SMG6: variants seen among roughly 807,000 people sequenced by gnomAD.
SMG6 encodes the protein SMG6 nonsense mediated mRNA decay factor, also known as telomerase-binding protein EST1A.
SMG6 carries 66 observed loss-of-function variants against 142.2 expected under a neutral mutation model. That is an observed-to-expected ratio of 0.46 (90% CI 0.38 to 0.57). The LOEUF (loss-of-function observed/expected upper bound fraction) is 0.57, where lower values mean the gene tolerates loss of function less well. Among genes scored for constraint, SMG6 ranks in the 20% least tolerant of loss-of-function variants. The pLI is 0.00. For missense variants in SMG6, 1,793 were observed against 1,832.0 expected (o/e 0.98, Z 0.39); for synonymous variants, 779 against 702.4 (o/e 1.11, Z -1.72).
chr17:2,298,175 G>C, intron 2 of SMG6, 120 bp from the exon 3 acceptor site: 1 of 817,794 alleles, frequency 1.2e-6, no homozygotes, highest in Non-Finnish European at 1.9e-6. Context: ...ATGTGACCAG[G>C]TAGGTATACT....
At chr17:2,066,894 C>T (rs908689613) in intron 16 of SMG6, among the ~76,000 whole-genome samples, 3 of 152,192 alleles carry the variant, frequency 2.0e-5, no homozygotes, top group Non-Finnish European at 4.4e-5. Context: ...CTGCACCAGG[C>T]GGGGCTTCTC....
chr17:2,154,170 C>T (rs57580446), intron 13 of SMG6, among the ~76,000 whole-genome samples: 2 of 126,002 alleles, frequency 1.6e-5, no homozygotes, highest in East Asian at 2.5e-4. Flanking sequence ...TGAGGATGCA[C>T]GTAGAGTGTG....
chr17:2,154,525 A>G (rs531975450), intron 13 of SMG6, among the ~76,000 whole-genome samples: 2 of 152,286 alleles, frequency 1.3e-5, no homozygotes, highest in African/African-American at 4.8e-5. Context: ...TAGAGATTAC[A>G]AAGGTATGAA....
intron 13 of SMG6, among the ~76,000 whole-genome samples, chr17:2,171,424 A>G (rs2071499874): frequency 6.6e-6 from 1 of 151,908 alleles, no homozygotes; most frequent in Admixed American, 6.6e-5. Flanking sequence ...GCAAAATAAC[A>G]GTGCTCTCAC....
At chr17:2,226,431 T>C (rs1210949024) in intron 10 of SMG6, among the ~76,000 whole-genome samples, 1 of 150,282 alleles carries the variant, frequency 6.7e-6, no homozygotes, top group Admixed American at 6.6e-5. Flanking sequence ...TACAAAAAAT[T>C]AGCCGGGTGT....
intron 9 of SMG6, among the ~76,000 whole-genome samples, chr17:2,237,953 T>C (rs2073708694): frequency 6.6e-6 from 1 of 152,168 alleles, no homozygotes; most frequent in South Asian, 2.1e-4. Flanking sequence ...CTTGTGGGGT[T>C]GGGGAAACAG....
At chr17:2,073,612 G>A (rs1171059178) in intron 15 of SMG6, among the ~76,000 whole-genome samples, 1 of 151,034 alleles carries the variant, frequency 6.6e-6, no homozygotes, top group Non-Finnish European at 1.5e-5. Flanking sequence ...GGGAGGCTGA[G>A]GCAGGAGAAT....
chr17:2,104,044 C>T (rs571025219), intron 13 of SMG6, among the ~76,000 whole-genome samples: 2 of 151,926 alleles, frequency 1.3e-5, no homozygotes, highest in East Asian at 3.9e-4. Context: ...CTCTGCTTCC[C>T]AGGTTCAAGT....
At chr17:2,290,864 A>G (rs947992026) in intron 6 of SMG6, among the ~76,000 whole-genome samples, 7 of 152,238 alleles carry the variant, frequency 4.6e-5, no homozygotes, top group Non-Finnish European at 8.8e-5. Flanking sequence ...GACGCTCAAC[A>G]TCGTGTGTCA....
chr17:2,160,655 C>A (rs1355414271), intron 13 of SMG6, among the ~76,000 whole-genome samples: 1 of 152,038 alleles, frequency 6.6e-6, no homozygotes, highest in Non-Finnish European at 1.5e-5. Flanking sequence ...CATAGTGGGA[C>A]CCCGTTTCCA....
intron 13 of SMG6, among the ~76,000 whole-genome samples, chr17:2,151,420 A>G (rs557699271): frequency 2.6e-5 from 4 of 152,320 alleles, no homozygotes; most frequent in Admixed American, 1.3e-4. Context: ...AAAGACATGC[A>G]AATAACTGAG....
intron 13 of SMG6, among the ~76,000 whole-genome samples, chr17:2,091,989 C>CTT (rs1168356792): frequency 3.5e-5 from 5 of 142,610 alleles, no homozygotes; most frequent in African/African-American, 7.7e-5. Flanking sequence ...GCCCCTTTTT[C>CTT]TTTTTTTTTT....
chr17:2,274,879 T>G (rs931312922), intron 8 of SMG6, among the ~76,000 whole-genome samples: 3 of 152,028 alleles, frequency 2.0e-5, no homozygotes, highest in African/African-American at 7.2e-5. Context: ...CCTAACACTT[T>G]GGAAGGCTGA....
At chr17:2,079,895 T>C (rs1273946174) in intron 15 of SMG6, among the ~76,000 whole-genome samples, 1 of 146,228 alleles carries the variant, frequency 6.8e-6, no homozygotes, top group Non-Finnish European at 1.5e-5. Flanking sequence ...GCCAACATGG[T>C]GAAACCCCAT....
At chr17:2,114,999 T>C (rs960398079) in intron 13 of SMG6, among the ~76,000 whole-genome samples, 2 of 135,432 alleles carry the variant, frequency 1.5e-5, no homozygotes, top group African/African-American at 2.8e-5. Context: ...TAAAATAAAA[T>C]AAAATAATTA....
intron 13 of SMG6, among the ~76,000 whole-genome samples, chr17:2,090,504 G>C (rs985334407): frequency 6.6e-6 from 1 of 152,212 alleles, no homozygotes; most frequent in Non-Finnish European, 1.5e-5. Context: ...CAGGACCCTG[G>C]ATGCAAGCTC....
intron 13 of SMG6, among the ~76,000 whole-genome samples, chr17:2,104,160 C>T (rs901455985): frequency 6.6e-6 from 1 of 152,000 alleles, no homozygotes; most frequent in Non-Finnish European, 1.5e-5. Context: ...ACCATGTTAG[C>T]CAGGATGGTC....
At chr17:2,221,237 G>A (rs545998713) in intron 10 of SMG6, among the ~76,000 whole-genome samples, 16 of 152,260 alleles carry the variant, frequency 1.1e-4, no homozygotes, top group East Asian at 1.9e-4. Context: ...CTGGTAGGAG[G>A]TGACTGCATC....
chr17:2,206,691 C>A (rs1340745659), intron 10 of SMG6, among the ~76,000 whole-genome samples: 1 of 151,982 alleles, frequency 6.6e-6, no homozygotes, highest in African/African-American at 2.4e-5. Context: ...GACCAGAGGC[C>A]AGCCTGACCA....
Sources: gnomAD v4.1 joint callset for allele counts (sites outside exome capture counted in the v4.1 genomes callset) on GRCh38, gnomAD v4.1.1 for gene constraint, MANE v1.5 for transcripts, NCBI Gene and HGNC (gene_info 2026-07-23, HGNC 2026-07-21) for gene names.